Variants in C2orf42 observed in about 807,000 individuals in gnomAD.
C2orf42 encodes the protein chromosome 2 open reading frame 42, also known as uncharacterized protein C2orf42.
In C2orf42, 44 loss-of-function variants were observed where a neutral mutation model predicts 58.9. The observed-to-expected ratio is 0.75, with a 90% CI of 0.59 to 0.96. The LOEUF is 0.96. C2orf42 is among the 40% of genes least tolerant of loss of function. C2orf42 has a pLI of 0.00. For synonymous variants in C2orf42, 239 were observed against 265.4 expected, an observed-to-expected ratio of 0.90 and a Z score of 0.97; for missense variants, 630 against 699.2, an observed-to-expected ratio of 0.90 and a Z score of 1.12.
At chr2:70,161,232 G>A (rs1019800981) in intron 8 of C2orf42, among the ~76,000 whole-genome samples, 1 of 152,202 alleles carries the variant, frequency 6.6e-6, no homozygotes, top group Non-Finnish European at 1.5e-5. Context: ...GGAACTGGAT[G>A]CTGTGGTGAC....
rs555438555 is a variant in C2orf42 at position 70,165,183 on chromosome 2, C to T, written c.1262G>A (p.Arg421Gln). The change falls in exon 8 of 10, where the codon CGG becomes CAG. Residue 421 changes from arginine (R) to glutamine (Q), a missense_variant. Arg to Gln is a conservative substitution (Grantham distance 43, BLOSUM62 1). Coordinates refer to ENST00000264434, the MANE Select transcript of C2orf42 (RefSeq NM_017880.3). ...GGTTCCCAGTGGCAAGGCATCTTTC[C>T]GAACAAAAGCTTCAACGTGAAAAAA... is the stretch of plus-strand genomic sequence containing the variant. ...RLPNSTTAFV[R>Q]KDALPLGTFS... 4 of 1,595,708 alleles carry T rather than the reference C, an allele frequency of 2.5e-6. No homozygotes were observed. The highest frequency in any genetic ancestry group is 1.7e-4 in the Middle Eastern group (1 of 6,000).
In C2orf42 at chr2:70,179,676, T is replaced by C. The variant is rs745733890; in HGVS notation, c.824-34A>G. The C allele has an allele frequency of 5.7e-6, 5 of 882,246 alleles. No individual in the cohort carries two copies. The East Asian group carries it at 1.2e-4, about 21-fold the overall frequency. The allele number at this position is 882,246 out of a possible 1,614,324, so 54.7% of individuals were successfully genotyped here. A position where few individuals can be genotyped will look rare whatever the true frequency, so the allele number is the denominator to read the frequency against. ...AAGAAGATTTCTGAATTATTAATCC[T>C]ATCCAAGGGTAAGTATAAGTATAGG... On this transcript the variant is annotated intron_variant, in intron 3 of 9. Coordinates refer to ENST00000264434, the MANE Select transcript of C2orf42 (RefSeq NM_017880.3).
intron 3 of C2orf42, 72 bp from the exon 4 acceptor site, chr2:70,179,714 G>A (rs539648213): frequency 6.7e-5 from 37 of 555,372 alleles, no homozygotes; most frequent in East Asian, 4.1e-4. Context: ...TCTATGTAGC[G>A]AAAAGTTAAT....
At chr2:70,173,423 G>A (rs918866436) in intron 5 of C2orf42, among the ~76,000 whole-genome samples, 3 of 151,554 alleles carry the variant, frequency 2.0e-5, no homozygotes, top group Non-Finnish European at 2.9e-5. Context: ...ACAGGCACAT[G>A]CCACCATACT....
At chr2:70,175,190 G>A (rs1387584950) in intron 5 of C2orf42, among the ~76,000 whole-genome samples, 1 of 152,128 alleles carries the variant, frequency 6.6e-6, no homozygotes, top group African/African-American at 2.4e-5. Context: ...TCGAACTGCT[G>A]GCCTCAAGTA....
intron 9 of C2orf42, among the ~76,000 whole-genome samples, chr2:70,159,168 G>A (rs1346343103): frequency 1.3e-5 from 2 of 152,088 alleles, no homozygotes; most frequent in Non-Finnish European, 2.9e-5. Flanking sequence ...TTACAGGCGT[G>A]AGCCACCGTG....
chr2:70,182,116 T>G (rs918108109), intron 2 of C2orf42, 119 bp from the exon 3 acceptor site: 1 of 616,326 alleles, frequency 1.6e-6, no homozygotes, highest in Non-Finnish European at 2.8e-6. Flanking sequence ...ATTTTTTTTT[T>G]TTAGACGGAG....
chr2:70,169,181 T>C (rs537768104), intron 6 of C2orf42, among the ~76,000 whole-genome samples: 1 of 151,994 alleles, frequency 6.6e-6, no homozygotes, highest in African/African-American at 2.4e-5. Flanking sequence ...TTTTCTCTAA[T>C]CTTTTTTCCC....
At chr2:70,163,131 G>A (rs907640019) in intron 8 of C2orf42, among the ~76,000 whole-genome samples, 1 of 152,066 alleles carries the variant, frequency 6.6e-6, no homozygotes, top group Non-Finnish European at 1.5e-5. Context: ...GCCTCCCAAA[G>A]TGCTGAGATT....
chr2:70,161,567 G>A (rs1244668506), intron 8 of C2orf42, among the ~76,000 whole-genome samples: 1 of 152,130 alleles, frequency 6.6e-6, no homozygotes, highest in Non-Finnish European at 1.5e-5. Flanking sequence ...GTCGCTAGGA[G>A]TGGTGGCTCA....
intron 9 of C2orf42, among the ~76,000 whole-genome samples, chr2:70,156,211 G>T (rs180868818): frequency 6.6e-6 from 1 of 151,952 alleles, no homozygotes; most frequent in African/African-American, 2.4e-5. Flanking sequence ...GACAGAGAAC[G>T]TAGTCCATTT....
intron 5 of C2orf42, among the ~76,000 whole-genome samples, chr2:70,172,718 A>G (rs1253684255): frequency 6.6e-6 from 1 of 152,092 alleles, no homozygotes; most frequent in African/African-American, 2.4e-5. Context: ...AAATATCTTC[A>G]CGTGTCTGAA....
chr2:70,161,830 A>G (rs1453151641), intron 8 of C2orf42, among the ~76,000 whole-genome samples: 2 of 145,984 alleles, frequency 1.4e-5, no homozygotes, highest in African/African-American at 2.6e-5. Context: ...ACAAGAGTGA[A>G]AGTCCGTGTC....
chr2:70,157,474 C>G (rs1051303509), intron 9 of C2orf42, among the ~76,000 whole-genome samples: 2 of 147,396 alleles, frequency 1.4e-5, no homozygotes, highest in Non-Finnish European at 3.0e-5. Flanking sequence ...AACAAACAAA[C>G]AAACAAAAAA....
At position 70,150,568 on chromosome 2, in the gene C2orf42, A is replaced by C. The variant is rs377104692; in HGVS notation, c.1517-4T>G. On this transcript the variant is annotated splice_region_variant and splice_polypyrimidine_tract_variant and intron_variant, in intron 9 of 9. Coordinates refer to ENST00000264434, the MANE Select transcript of C2orf42 (RefSeq NM_017880.3). ...TTTTGATCTGGGGAAGTGTTGCCTA[A>C]AGAGAAGAAAGGAGTATTAGTACAA... 106 of 1,606,766 alleles carry C rather than the reference A, an allele frequency of 6.6e-5. 1 individual carries two copies. Among genetic ancestry groups the C allele is most frequent in the South Asian group, 4.8e-4 (44 of 90,948 alleles).
chr2:70,152,741 G>A (rs1672386161), intron 9 of C2orf42, among the ~76,000 whole-genome samples: 1 of 152,066 alleles, frequency 6.6e-6, no homozygotes. Flanking sequence ...GTGCATTTAA[G>A]GTGAATAGCA....
chr2:70,156,424 G>A (rs1414472985), intron 9 of C2orf42, among the ~76,000 whole-genome samples: 7 of 151,690 alleles, frequency 4.6e-5, no homozygotes, highest in Non-Finnish European at 1.0e-4. Context: ...GTTCAAGGCT[G>A]TAGTGCACTA....
chr2:70,157,728 C>T (rs531404446), intron 9 of C2orf42, among the ~76,000 whole-genome samples: 3 of 151,166 alleles, frequency 2.0e-5, no homozygotes, highest in Admixed American at 1.3e-4. Context: ...ACCCGGGAGG[C>T]GGAGGTTGCA....
At chr2:70,182,039 C>A in intron 2 of C2orf42, 42 bp from the exon 3 acceptor site, 1 of 882,128 alleles carries the variant, frequency 1.1e-6, no homozygotes, top group Admixed American at 2.5e-5. Context: ...TATACCTTCA[C>A]ACACAAAAAG....
Sources: gnomAD v4.1 joint callset for allele counts (sites outside exome capture counted in the v4.1 genomes callset) on GRCh38, gnomAD v4.1.1 for gene constraint, MANE v1.5 for transcripts, NCBI Gene and HGNC (gene_info 2026-07-23, HGNC 2026-07-21) for gene names.